Variants in UNC5C observed in about 807,000 individuals in gnomAD.
UNC5C encodes netrin receptor UNC5C.
In UNC5C, 47 loss-of-function variants were observed where a neutral mutation model predicts 99.8. The ratio of observed to expected loss-of-function variants is 0.47; its 90% CI spans 0.37 to 0.60. The LOEUF (loss-of-function observed/expected upper bound fraction) is 0.60. Ranked by LOEUF, UNC5C falls within the 20% of genes least tolerant of loss-of-function variation. The pLI, the probability that UNC5C is intolerant of heterozygous loss-of-function variation, is 0.00. For synonymous variants in UNC5C, 487 were observed against 452.2 expected, an observed-to-expected ratio of 1.08 and a Z score of -0.98; for missense variants, 1,062 against 1,165.9, an observed-to-expected ratio of 0.91 and a Z score of 1.30.
chr4:95,543,804 G>A (rs1722986336), intron 1 of UNC5C, among the ~76,000 whole-genome samples: 1 of 152,146 alleles, frequency 6.6e-6, no homozygotes, highest in Admixed American at 6.5e-5. Context: ...GTCATTTTTA[G>A]AACTAATATT....
rs189970986 is a variant in UNC5C at position 95,236,714 on chromosome 4, G to A, written c.1108+5715C>T. 2.5e-4 allele frequency among the ~76,000 whole-genome samples: 38 copies of A among 151,894 alleles called. No homozygotes were observed. The East Asian group carries it at 3.5e-3, about 14-fold the overall frequency. ...TCTTTTACTAAGCATACCTTTACAC[G>A]CTTATCACTAAATACATATATAAAT... On this transcript the variant is annotated intron_variant, in intron 7 of 15. Coordinates refer to ENST00000453304, the MANE Select transcript of UNC5C (RefSeq NM_003728.4).
In UNC5C at chr4:95,335,630, A is replaced by C. The variant is rs1296420030; in HGVS notation, c.126T>G (p.Asp42Glu). 1 of 1,604,282 alleles carries C rather than the reference A, an allele frequency of 6.2e-7. No individual in the cohort carries two copies. Among genetic ancestry groups the C allele is most frequent in the South Asian group, 1.1e-5 (1 of 90,028 alleles). Reference protein sequence around the residue: ...SASGTGSAAQDDDFFHELPET... With the variant: ...SASGTGSAAQEDDFFHELPET... ...CTGGGAGTTCATGAAAAAAGTCATC[A>C]TCTGAGAAAGAAGAAGAAAGTGGAA... Residue 42 changes from aspartate to glutamate, a missense_variant and splice_region_variant, in exon 2 of 16, where the codon GAT becomes GAG. Coordinates refer to ENST00000453304, the MANE Select transcript of UNC5C (RefSeq NM_003728.4).
chr4:95,294,202 A>G (rs1263074434), intron 3 of UNC5C, among the ~76,000 whole-genome samples: 1 of 152,190 alleles, frequency 6.6e-6, no homozygotes, highest in Non-Finnish European at 1.5e-5. Flanking sequence ...TGTAAACAGT[A>G]TTTGTGGCTG....
intron 1 of UNC5C, among the ~76,000 whole-genome samples, chr4:95,364,633 C>A (rs1744498286): frequency 6.6e-6 from 1 of 152,140 alleles, no homozygotes; most frequent in Non-Finnish European, 1.5e-5. Flanking sequence ...GGCCGGGTGA[C>A]AGATTTCAAA....
chr4:95,247,688 CT>C (rs1560751873), intron 5 of UNC5C, among the ~76,000 whole-genome samples: 1 of 152,180 alleles, frequency 6.6e-6, no homozygotes, highest in African/African-American at 2.4e-5. Context: ...CAGTCCAAAG[CT>C]ATTTCCTTAA....
rs987321967 is a variant in UNC5C at position 95,206,717 on chromosome 4, C to T, written c.1813G>A (p.Val605Ile). The change falls in exon 11 of 16, where the codon GTC becomes ATC. Residue 605 changes from valine to isoleucine, a missense_variant. Coordinates refer to ENST00000453304, the MANE Select transcript of UNC5C (RefSeq NM_003728.4). The stretch of plus-strand genomic sequence containing the variant: ...GCGCAGTGATGCATAGTGAGGACGA[C>T]TGGGCGGGTGAGCAGAGCTCCTGGG... Reference protein sequence around the residue: ...GPPGALLTRPVVLTMHHCADP... With the variant: ...GPPGALLTRPIVLTMHHCADP... 2.0e-5 allele frequency: 32 copies of T among 1,613,848 alleles called. No individual in the cohort carries two copies. The highest frequency in any genetic ancestry group is 8.0e-5 in the African/African-American group (6 of 74,864).
intron 1 of UNC5C, among the ~76,000 whole-genome samples, chr4:95,545,171 G>C (rs929441762): frequency 2.0e-5 from 3 of 152,144 alleles, no homozygotes; most frequent in Non-Finnish European, 4.4e-5. Flanking sequence ...GGAGGTGTTC[G>C]AGGACCCTGT....
At chr4:95,532,027 T>C (rs1424995532) in intron 1 of UNC5C, among the ~76,000 whole-genome samples, 1 of 152,246 alleles carries the variant, frequency 6.6e-6, no homozygotes, top group Non-Finnish European at 1.5e-5. Flanking sequence ...TAATTCCCAA[T>C]TCTGTCTTTA....
intron 4 of UNC5C, among the ~76,000 whole-genome samples, chr4:95,261,048 T>C (rs1740203717): frequency 6.6e-6 from 1 of 152,208 alleles, no homozygotes; most frequent in African/African-American, 2.4e-5. Context: ...GCCTGAGCTC[T>C]GGACTCTTTT....
At position 95,164,978 on chromosome 4, in the gene UNC5C, G is replaced by A. The variant is rs938585859; in HGVS notation, c.*4256C>T. On this transcript the variant is annotated 3_prime_UTR_variant, in exon 16 of 16. Coordinates refer to ENST00000453304, the MANE Select transcript of UNC5C (RefSeq NM_003728.4). ...GAGGCAAAGACCTTTGAATTCTGGG[G>A]AGATGGTGATCACCTTATTAACTCC... 8 of 152,384 alleles carry A rather than the reference G, an allele frequency of 5.2e-5. No individual in the cohort carries two copies. In the East Asian group the frequency reaches 1.5e-3, roughly 29 times the overall value. The allele number at this position is 152,384 out of a possible 1,614,324, so 9.4% of individuals were successfully genotyped here. A position where few individuals can be genotyped will look rare whatever the true frequency, so the allele number is the denominator to read the frequency against.
chr4:95,210,802 C>T (rs1738049261), intron 10 of UNC5C, among the ~76,000 whole-genome samples: 1 of 152,166 alleles, frequency 6.6e-6, no homozygotes, highest in Non-Finnish European at 1.5e-5. Flanking sequence ...GAAATATTTT[C>T]TCATCCTTTG....
chr4:95,304,562 TTCTC>T (rs1282765214), intron 2 of UNC5C, among the ~76,000 whole-genome samples: 1 of 151,828 alleles, frequency 6.6e-6, no homozygotes, highest in Admixed American at 6.6e-5. Flanking sequence ...CCCCATATCT[TTCTC>T]TCTCTCTCTT....
At chr4:95,301,199 T>TG (rs1337815021) in intron 3 of UNC5C, among the ~76,000 whole-genome samples, 1 of 146,928 alleles carries the variant, frequency 6.8e-6, no homozygotes, top group Non-Finnish European at 1.5e-5. Context: ...TCCAGGATTT[T>TG]TTTTTTTTTT....
intron 1 of UNC5C, among the ~76,000 whole-genome samples, chr4:95,370,202 AATAT>A (rs910036685): frequency 6.6e-6 from 1 of 152,214 alleles, no homozygotes; most frequent in African/African-American, 2.4e-5. Flanking sequence ...AAAAGAAGGT[AATAT>A]ATCTCATTAA....
chr4:95,421,729 A>C (rs900274665), intron 1 of UNC5C, among the ~76,000 whole-genome samples: 1 of 151,990 alleles, frequency 6.6e-6, no homozygotes, highest in Admixed American at 6.6e-5. Context: ...ATTTACTATA[A>C]CTATTTCAGG....
chr4:95,347,870 C>T (rs1401822376), intron 1 of UNC5C, among the ~76,000 whole-genome samples: 1 of 152,008 alleles, frequency 6.6e-6, no homozygotes, highest in Non-Finnish European at 1.5e-5. Flanking sequence ...TTGAATAATA[C>T]CTTACAAGCA....
At chr4:95,278,388 A>C in intron 3 of UNC5C, 26 bp from the exon 4 acceptor site, 1 of 1,572,222 alleles carries the variant, frequency 6.4e-7, no homozygotes, top group Admixed American at 1.7e-5. Context: ...GACAAAATAC[A>C]TGTCAAAATT....
chr4:95,190,757 C>G (rs1737052122), intron 12 of UNC5C, among the ~76,000 whole-genome samples: 1 of 152,170 alleles, frequency 6.6e-6, no homozygotes, highest in Non-Finnish European at 1.5e-5. Context: ...GGCCACCTGC[C>G]TCAGAGCCCA....
intron 1 of UNC5C, among the ~76,000 whole-genome samples, chr4:95,457,821 T>G (rs1324775223): frequency 6.6e-6 from 1 of 152,076 alleles, no homozygotes; most frequent in African/African-American, 2.4e-5. Context: ...CACAAGAAAC[T>G]GAATTCTGTC....
Sources: allele counts gnomAD v4.1 joint callset (sites outside exome capture counted in the v4.1 genomes callset), GRCh38; gene constraint gnomAD v4.1.1; transcripts MANE v1.5; gene names NCBI Gene and HGNC (gene_info 2026-07-23, HGNC 2026-07-21).